The following TNKS variants were observed in gnomAD, a reference collection of about 807,000 sequenced individuals.
The protein encoded by TNKS is tankyrase.
In TNKS, 72 loss-of-function variants were observed where a neutral mutation model predicts 135.8. The ratio of observed to expected loss-of-function variants is 0.53; its 90% CI spans 0.44 to 0.64. TNKS has a LOEUF of 0.64. Ranked by LOEUF, TNKS falls within the 30% of genes least tolerant of loss-of-function variation. TNKS has a pLI of 0.00. For missense variants in TNKS, 1,769 were observed against 1,674.0 expected, an observed-to-expected ratio of 1.06 and a Z score of -0.99; for synonymous variants, 849 against 649.3, an observed-to-expected ratio of 1.31 and a Z score of -4.68.
At chr8:9,638,509 C>G (rs1175757331) in intron 3 of TNKS, among the ~76,000 whole-genome samples, 3 of 152,128 alleles carry the variant, frequency 2.0e-5, no homozygotes, top group East Asian at 1.9e-4. Context: ...TACATTTTAC[C>G]TACTTTTTTT....
chr8:9,607,388 G>A (rs1357665203), intron 2 of TNKS, among the ~76,000 whole-genome samples: 1 of 152,164 alleles, frequency 6.6e-6, no homozygotes, highest in African/African-American at 2.4e-5. Flanking sequence ...TTAGAAAAGG[G>A]AAGAGTATAT....
intron 1 of TNKS, among the ~76,000 whole-genome samples, chr8:9,568,655 A>G (rs1797641679): frequency 6.6e-6 from 1 of 152,214 alleles, no homozygotes; most frequent in African/African-American, 2.4e-5. Context: ...TTAAAAAGAG[A>G]TAGCTAATTC....
chr8:9,657,782 AC>A (rs1369381088), intron 3 of TNKS, among the ~76,000 whole-genome samples: 1 of 127,556 alleles, frequency 7.8e-6, no homozygotes, highest in Non-Finnish European at 1.7e-5. Context: ...CAGGGGGCTG[AC>A]CCCCCCACCT....
intron 1 of TNKS, among the ~76,000 whole-genome samples, chr8:9,569,070 A>C (rs1797661886): frequency 6.6e-6 from 1 of 151,868 alleles, no homozygotes; most frequent in East Asian, 1.9e-4. Flanking sequence ...TAATCTCATC[A>C]GAAAAGTATT....
At chr8:9,740,222 A>C (rs1289637831) in intron 17 of TNKS, among the ~76,000 whole-genome samples, 1 of 152,216 alleles carries the variant, frequency 6.6e-6, no homozygotes, top group African/African-American at 2.4e-5. Context: ...CGGCAGAAAT[A>C]GGATGAATGC....
rs762951661 is a variant in TNKS, at chr8:9,748,044, A to G, written c.2664A>G (p.Leu888=). 7 of 1,607,734 alleles carry G rather than the reference A, an allele frequency of 4.4e-6. No individual in the cohort carries two copies. Among genetic ancestry groups the G allele is most frequent in the Non-Finnish European group, 5.9e-6 (7 of 1,178,130 alleles). ...ASYGHVDIAA[L]LIKYNTCVNA... is the part of the protein sequence containing the mutation. ...TTCAGCATGTTGACATAGCGGCTTTATTGATAAAATACAACACGTGTGTAA... is the reference window on the plus strand; with the variant it reads ...TTCAGCATGTTGACATAGCGGCTTTGTTGATAAAATACAACACGTGTGTAA... Residue 888 remains leucine, a synonymous_variant, in exon 18 of 27, where the codon TTA becomes TTG. Coordinates refer to ENST00000310430, the MANE Select transcript of TNKS (RefSeq NM_003747.3).
At chr8:9,649,500 G>A (rs1308559948) in intron 3 of TNKS, among the ~76,000 whole-genome samples, 1 of 152,040 alleles carries the variant, frequency 6.6e-6, no homozygotes, top group East Asian at 1.9e-4. Flanking sequence ...AATTGTTTTT[G>A]GGGGACAGGT....
intron 3 of TNKS, among the ~76,000 whole-genome samples, chr8:9,661,281 T>C (rs1801697176): frequency 6.6e-6 from 1 of 152,130 alleles, no homozygotes; most frequent in Non-Finnish European, 1.5e-5. Flanking sequence ...GCCAAGTCAA[T>C]CCTAAGCTGA....
chr8:9,675,206 A>G (rs28728109), intron 3 of TNKS, among the ~76,000 whole-genome samples: 1,634 of 152,304 alleles, frequency 0.011, 21 homozygotes, highest in African/African-American at 0.038. Flanking sequence ...TTTCAAATCT[A>G]CTAGTGAAAA....
chr8:9,764,585 C>A, intron 22 of TNKS, 131 bp from the exon 23 acceptor site: 1 of 513,644 alleles, frequency 1.9e-6, no homozygotes, highest in South Asian at 4.4e-5. Flanking sequence ...ACCAAAAATA[C>A]TTATCCACTA....
At position 9,580,351 on chromosome 8, in the gene TNKS, C is replaced by G. The variant is rs747186492; in HGVS notation, c.866C>G (p.Ala289Gly). The part of the protein sequence containing the change: ...DNWNYTPLHE[A>G]AIKGKIDVCI... Reference sequence around the variant, plus strand: ...TGGAACTATACACCTCTGCATGAAGCTGCTATTAAAGGGAAGATCGATGTG... The same window carrying G: ...TGGAACTATACACCTCTGCATGAAGGTGCTATTAAAGGGAAGATCGATGTG... The change falls in exon 2 of 27, where the codon GCT (alanine) becomes GGT (glycine). Residue 289 changes from alanine (A) to glycine (G), a missense_variant. Ala to Gly is a moderately conservative substitution (Grantham distance 60, BLOSUM62 0). Coordinates refer to ENST00000310430, the MANE Select transcript of TNKS (RefSeq NM_003747.3). 5 of 1,613,974 alleles carry G rather than the reference C, an allele frequency of 3.1e-6. No homozygotes were observed. The highest frequency in any genetic ancestry group is 1.7e-5 in the Admixed American group (1 of 60,006).
chr8:9,732,477 C>A (rs1242523253), intron 14 of TNKS, among the ~76,000 whole-genome samples: 1 of 151,328 alleles, frequency 6.6e-6, no homozygotes, highest in East Asian at 1.9e-4. Context: ...TTAAAAGGGA[C>A]ACATCAGACA....
intron 18 of TNKS, among the ~76,000 whole-genome samples, 198 bp from the exon 19 acceptor site, chr8:9,751,409 CAT>C (rs1806523738): frequency 6.6e-6 from 1 of 152,226 alleles, no homozygotes; most frequent in African/African-American, 2.4e-5. Context: ...TTAAAAATTA[CAT>C]AGTTTCTCCA....
intron 3 of TNKS, among the ~76,000 whole-genome samples, chr8:9,646,234 GT>G (rs949319407): frequency 1.3e-5 from 2 of 151,446 alleles, no homozygotes; most frequent in African/African-American, 2.4e-5. Flanking sequence ...AGATTTCCTT[GT>G]TTTTTTCAGA....
intron 1 of TNKS, among the ~76,000 whole-genome samples, chr8:9,570,755 G>A (rs1447648361): frequency 6.6e-6 from 1 of 152,166 alleles, no homozygotes; most frequent in Non-Finnish European, 1.5e-5. Flanking sequence ...ACATTGAGGT[G>A]CATCTGCCAT....
chr8:9,776,698 C>A lies in TNKS; in HGVS notation c.3946C>A (p.Pro1316Thr). 1 of 1,614,000 alleles carries A rather than the reference C, an allele frequency of 6.2e-7. No homozygotes were observed. The highest frequency in any genetic ancestry group is 8.5e-7 in the Non-Finnish European group (1 of 1,179,936). ...ITYQIMKPEA[P>T]SQTATAAEQK... ...TTACCAGATCATGAAGCCAGAAGCCCCTTCCCAGACCGCAACAGCCGCAGA... is the reference window on the plus strand; with the variant it reads ...TTACCAGATCATGAAGCCAGAAGCCACTTCCCAGACCGCAACAGCCGCAGA... The change falls in exon 27 of 27, where the codon CCT (proline) becomes ACT (threonine). Residue 1316 changes from proline (P) to threonine (T), a missense_variant. By Grantham distance (38) the Pro-to-Thr change is conservative. Coordinates refer to ENST00000310430, the MANE Select transcript of TNKS (RefSeq NM_003747.3).
intron 5 of TNKS, among the ~76,000 whole-genome samples, chr8:9,691,892 T>C (rs1803292261): frequency 6.6e-6 from 1 of 152,214 alleles, no homozygotes; most frequent in South Asian, 2.1e-4. Flanking sequence ...AGATCTTTTA[T>C]CAAAGTCAAA....
Position 9,752,582 on chromosome 8 carries a change from A to G in TNKS, c.3109A>G (p.Ser1037Gly). ...CATGAATATCAGCCAATTTCTAAAA[A>G]GCCTTGGCCTTGAACACCTTCGGGA... ...LDMNISQFLK[S>G]LGLEHLRDIF... is the part of the protein sequence containing the mutation. The change falls in exon 20 of 27, where the codon AGC (serine) becomes GGC (glycine). Residue 1037 changes from serine (S) to glycine (G), a missense_variant. Physicochemically the swap from Ser to Gly is moderately conservative, Grantham distance 56. Coordinates refer to ENST00000310430, the MANE Select transcript of TNKS (RefSeq NM_003747.3). 6.2e-7 allele frequency: 1 copy of G among 1,613,492 alleles called. No individual in the cohort carries two copies. Among genetic ancestry groups the G allele is most frequent in the South Asian group, 1.1e-5 (1 of 91,038 alleles).
At chr8:9,664,975 C>G (rs946350529) in intron 3 of TNKS, among the ~76,000 whole-genome samples, 2 of 152,108 alleles carry the variant, frequency 1.3e-5, no homozygotes, top group Admixed American at 1.3e-4. Flanking sequence ...TGCATTAAGC[C>G]AAATATAGTA....
Sources: gnomAD v4.1 joint callset for allele counts (sites outside exome capture counted in the v4.1 genomes callset) on GRCh38, gnomAD v4.1.1 for gene constraint, MANE v1.5 for transcripts, NCBI Gene and HGNC (gene_info 2026-07-23, HGNC 2026-07-21) for gene names.